Variants in RTKN2 observed in about 807,000 individuals in gnomAD.
RTKN2 encodes the protein rhotekin-2.
In RTKN2, 69 loss-of-function variants were observed where a neutral mutation model predicts 71.5. That is an observed-to-expected ratio of 0.96 (90% CI 0.79 to 1.18). RTKN2 has a LOEUF of 1.18. RTKN2 is among the 50% of genes most tolerant of loss of function. RTKN2 has a pLI of 0.00. For missense variants in RTKN2, 724 were observed against 719.7 expected, an observed-to-expected ratio of 1.01 and a Z score of -0.07; for synonymous variants, 236 against 236.5, an observed-to-expected ratio of 1.00 and a Z score of 0.02.
intron 5 of RTKN2, among the ~76,000 whole-genome samples, chr10:62,237,790 G>C (rs1045172413): frequency 1.3e-5 from 2 of 151,286 alleles, no homozygotes; most frequent in African/African-American, 2.4e-5. Flanking sequence ...TGAACTCCTT[G>C]AGAATGGGTG....
At position 62,201,042 on chromosome 10, in the gene RTKN2, A is replaced by G. The variant is rs1841430712; in HGVS notation, c.1187-1181T>C. Among the ~76,000 whole-genome samples the G allele has an allele frequency of 4.6e-5, 7 of 152,174 alleles. No homozygotes were observed. In the South Asian group the frequency reaches 1.2e-3, roughly 27 times the overall value. ...CTTTTCATACTTATTGTGCACCTGC[A>G]TGCTGGATAGCAACTATGCTAGTTC... On this transcript the variant is annotated intron_variant, in intron 10 of 11. Transcript: ENST00000373789.
chr10:62,266,449 C>T (rs1842870147), intron 1 of RTKN2, among the ~76,000 whole-genome samples: 1 of 152,172 alleles, frequency 6.6e-6, no homozygotes, highest in Non-Finnish European at 1.5e-5. Context: ...ACAGTACGTT[C>T]TCATTTTGCT....
rs1281822065 is a variant in RTKN2 at position 62,193,464 on chromosome 10, A to C, written c.*4444T>G. Reference sequence around the variant, plus strand: ...ATTTCTGTAACTTTTTTTGTTGTTAATTGAATGTAAAGGTAGTTTGTTTCT... The same window carrying C: ...ATTTCTGTAACTTTTTTTGTTGTTACTTGAATGTAAAGGTAGTTTGTTTCT... On this transcript the variant is annotated 3_prime_UTR_variant, in exon 12 of 12. Transcript: ENST00000373789. 1.0e-6 allele frequency: 1 copy of C among 982,650 alleles called. No individual in the cohort carries two copies. The highest frequency in any genetic ancestry group is 1.2e-6 in the Non-Finnish European group (1 of 827,488). The allele number at this position is 982,650 out of a possible 1,614,324, so 60.9% of individuals were successfully genotyped here.
intron 2 of RTKN2, among the ~76,000 whole-genome samples, chr10:62,255,229 T>G (rs1016416703): frequency 6.6e-6 from 1 of 152,178 alleles, no homozygotes; most frequent in African/African-American, 2.4e-5. Context: ...TATAAACTCA[T>G]GATTTTTTCA....
chr10:62,260,541 T>A (rs887675082), intron 2 of RTKN2, among the ~76,000 whole-genome samples: 2 of 152,048 alleles, frequency 1.3e-5, no homozygotes, highest in African/African-American at 4.8e-5. Flanking sequence ...TATATGTGTG[T>A]GTGTGTGTGT....
At chr10:62,249,025 G>C (rs575773505) in intron 2 of RTKN2, among the ~76,000 whole-genome samples, 32 of 152,142 alleles carry the variant, frequency 2.1e-4, no homozygotes, top group African/African-American at 7.5e-4. Context: ...CTAAAACTAT[G>C]CTATAAAATT....
Position 62,199,977 on chromosome 10 carries a change from C to A in RTKN2, c.1187-116G>T, listed in dbSNP as rs536389453. The A allele has an allele frequency of 1.1e-4, 68 of 643,280 alleles. No individual in the cohort carries two copies. In the African/African-American group the frequency reaches 1.2e-3, roughly 11 times the overall value. The allele number at this position is 643,280 out of a possible 1,614,324, so 39.8% of individuals were successfully genotyped here. A position where few individuals can be genotyped will look rare whatever the true frequency, so the allele number is the denominator to read the frequency against. ...TTGAATAAAAATCAGTGAATTTATA[C>A]ATAAAGCACTGCGTTAAGGGAGGCT... On this transcript the variant is annotated intron_variant, in intron 10 of 11. Coordinates refer to ENST00000373789, the MANE Select transcript of RTKN2 (RefSeq NM_145307.4).
At position 62,195,087 on chromosome 10, in the gene RTKN2, T is replaced by A; in HGVS notation, c.*2821A>T. The A allele has an allele frequency of 2.0e-6, 2 of 983,494 alleles. No homozygotes were observed. The highest frequency in any genetic ancestry group is 2.4e-6 in the Non-Finnish European group (2 of 828,206). The allele number at this position is 983,494 out of a possible 1,614,324, so 60.9% of individuals were successfully genotyped here. On this transcript the variant is annotated 3_prime_UTR_variant, in exon 12 of 12. Coordinates refer to ENST00000373789, the MANE Select transcript of RTKN2 (RefSeq NM_145307.4). ...TACAAAAGTTACCACTTAGTAGCAA[T>A]TAAAAATAATACTATCTTAATGCTG... is the stretch of plus-strand genomic sequence containing the variant.
intron 5 of RTKN2, chr10:62,238,596 A>T (rs546606534): frequency 1.3e-5 from 2 of 152,120 alleles, no homozygotes; most frequent in South Asian, 4.1e-4. Context: ...TTTTAGCCTC[A>T]ATTATATAAG....
intron 5 of RTKN2, 74 bp downstream of exon 5, chr10:62,239,574 A>G (rs1842327925): frequency 1.3e-5 from 8 of 635,216 alleles, no homozygotes; most frequent in Non-Finnish European, 2.7e-6. Context: ...CCAAAGAACC[A>G]ATAATAAGAA....
At chr10:62,218,685 C>T (rs1841833950) in intron 7 of RTKN2, among the ~76,000 whole-genome samples, 3 of 152,110 alleles carry the variant, frequency 2.0e-5, no homozygotes, top group Admixed American at 2.0e-4. Context: ...ACTTTTTGTT[C>T]TGATTTTCAT....
chr10:62,246,923 A>C (rs1842489397), intron 2 of RTKN2, among the ~76,000 whole-genome samples: 1 of 152,012 alleles, frequency 6.6e-6, no homozygotes, highest in African/African-American at 2.4e-5. Context: ...CTATTTCCCT[A>C]ATATCCTATT....
intron 10 of RTKN2, among the ~76,000 whole-genome samples, chr10:62,202,631 C>G (rs1040534144): frequency 6.6e-6 from 1 of 151,910 alleles, no homozygotes; most frequent in Non-Finnish European, 1.5e-5. Flanking sequence ...CATTAAATAC[C>G]AAAAATGTAA....
rs1301613546 is a variant in RTKN2, at chr10:62,205,015, CT to C, written c.1027del (p.Arg343GlufsTer27). ...ALVVPINKET[R>X]IRAMDKDAKK... Reference sequence around the variant, plus strand: ...GGCATCCTTATCCATTGCCCGGATTCTGGTTTCCTAAAAATTAAGAAAAAAA... The same window carrying C: ...GGCATCCTTATCCATTGCCCGGATTCGGTTTCCTAAAAATTAAGAAAAAAA... On this transcript the variant is annotated frameshift_variant, in exon 10 of 12. Transcript: ENST00000373789. LOFTEE classifies it high-confidence loss of function. 3 of 1,577,630 alleles carry C rather than the reference CT, an allele frequency of 1.9e-6. No individual in the cohort carries two copies. The highest frequency in any genetic ancestry group is 2.6e-6 in the Non-Finnish European group (3 of 1,169,962).
chr10:62,253,808 C>A (rs1332021467), intron 2 of RTKN2, among the ~76,000 whole-genome samples: 1 of 151,828 alleles, frequency 6.6e-6, no homozygotes, highest in African/African-American at 2.4e-5. Context: ...TGAAAAGAAT[C>A]AACACTGGAA....
chr10:62,196,478 C>T lies in RTKN2; in HGVS notation c.*1430G>A. On this transcript the variant is annotated 3_prime_UTR_variant, in exon 12 of 12. Transcript: ENST00000373789. ...AAAGTGTCCTGGCAGTTACATCATT[C>T]TCTATAAATGGAAAAGACCCCGCTA... 1.0e-6 allele frequency: 1 copy of T among 985,244 alleles called. No individual in the cohort carries two copies. Among genetic ancestry groups the T allele is most frequent in the Non-Finnish European group, 1.2e-6 (1 of 829,820 alleles). The allele number at this position is 985,244 out of a possible 1,614,324, so 61.0% of individuals were successfully genotyped here. A position where few individuals can be genotyped will look rare whatever the true frequency, so the allele number is the denominator to read the frequency against.
In RTKN2 at chr10:62,196,773, A is replaced by G. The variant is rs1841340043; in HGVS notation, c.*1135T>C. ...TGGAAATTCTAATTAGATTTTTAAA[A>G]CTGTTCTGCTCTTGTTTACAAAAAG... On this transcript the variant is annotated 3_prime_UTR_variant, in exon 12 of 12. Coordinates refer to ENST00000373789, the MANE Select transcript of RTKN2 (RefSeq NM_145307.4). 2 of 978,422 alleles carry G rather than the reference A, an allele frequency of 2.0e-6. No homozygotes were observed. Among genetic ancestry groups the G allele is most frequent in the Non-Finnish European group, 2.4e-6 (2 of 823,736 alleles). 60.6% of individuals were successfully genotyped at this position (978,422 alleles called of 1,614,324 possible).
chr10:62,203,591 T>C (rs946144820), intron 10 of RTKN2, among the ~76,000 whole-genome samples: 7 of 152,200 alleles, frequency 4.6e-5, no homozygotes, highest in Non-Finnish European at 1.0e-4. Flanking sequence ...GTGATCCGCC[T>C]GCCTCGGCCT....
chr10:62,192,914 T>G (rs1425490977), downstream of RTKN2, among the ~76,000 whole-genome samples: 1 of 152,208 alleles, frequency 6.6e-6, no homozygotes, highest in Non-Finnish European at 1.5e-5. Flanking sequence ...TAACTGAAAA[T>G]ACCTGAAGAA....
Sources: gnomAD v4.1 joint callset for allele counts (sites outside exome capture counted in the v4.1 genomes callset) on GRCh38, gnomAD v4.1.1 for gene constraint, MANE v1.5 for transcripts, NCBI Gene and HGNC (gene_info 2026-07-23, HGNC 2026-07-21) for gene names.